Variants in PPP1R9A observed in about 807,000 individuals in gnomAD.
PPP1R9A encodes the protein protein phosphatase 1 regulatory subunit 9A, also known as neurabin-1.
A neutral mutation model predicts 141.9 loss-of-function variants in PPP1R9A; 59 were observed. The observed-to-expected ratio is 0.42, with a 90% CI of 0.34 to 0.52. PPP1R9A has a LOEUF of 0.52. Ranked by LOEUF, PPP1R9A falls within the 20% of genes least tolerant of loss-of-function variation. The pLI, the probability that PPP1R9A is intolerant of heterozygous loss-of-function variation, is 0.10. For missense variants in PPP1R9A, 1,444 were observed against 1,611.9 expected, an observed-to-expected ratio of 0.90 and a Z score of 1.78; for synonymous variants, 500 against 569.7, an observed-to-expected ratio of 0.88 and a Z score of 1.74.
chr7:95,119,026 A>C (rs1265729846), intron 3 of PPP1R9A, among the ~76,000 whole-genome samples: 1 of 151,886 alleles, frequency 6.6e-6, no homozygotes, highest in African/African-American at 2.4e-5. Flanking sequence ...AACAGAAAAA[A>C]TGCTTAAGAA....
chr7:95,172,851 T>G (rs1172083301), intron 5 of PPP1R9A, among the ~76,000 whole-genome samples: 2 of 152,016 alleles, frequency 1.3e-5, no homozygotes, highest in East Asian at 3.9e-4. Flanking sequence ...GGTATAAGAA[T>G]AGTAATATAG....
At chr7:95,197,810 G>A (rs772824653) in intron 5 of PPP1R9A, among the ~76,000 whole-genome samples, 7 of 152,070 alleles carry the variant, frequency 4.6e-5, no homozygotes, top group Admixed American at 1.3e-4. Flanking sequence ...CACCACGCCC[G>A]GCTAATTTTT....
At chr7:95,035,423 T>C (rs1808301665) in intron 2 of PPP1R9A, among the ~76,000 whole-genome samples, 3 of 152,188 alleles carry the variant, frequency 2.0e-5, no homozygotes, top group Non-Finnish European at 4.4e-5. Context: ...CTTATATTTA[T>C]ATATCTTTTC....
chr7:95,093,386 A>G (rs1013030782), intron 2 of PPP1R9A, among the ~76,000 whole-genome samples: 1 of 152,204 alleles, frequency 6.6e-6, no homozygotes, highest in African/African-American at 2.4e-5. Flanking sequence ...AAATACTTGT[A>G]AGCATTTTAA....
chr7:95,117,916 C>T (rs1821802479), intron 3 of PPP1R9A, among the ~76,000 whole-genome samples: 1 of 152,138 alleles, frequency 6.6e-6, no homozygotes, highest in Admixed American at 6.5e-5. Context: ...CATTGATCAT[C>T]TCTTAAACAA....
chr7:94,915,803 A>G (rs1220311534), intron 2 of PPP1R9A, among the ~76,000 whole-genome samples: 3 of 152,174 alleles, frequency 2.0e-5, no homozygotes, highest in Non-Finnish European at 4.4e-5. Flanking sequence ...CCATAGACTA[A>G]TGATTTCCTG....
intron 2 of PPP1R9A, among the ~76,000 whole-genome samples, chr7:94,933,953 T>G (rs1419685870): frequency 6.6e-6 from 1 of 152,192 alleles, no homozygotes; most frequent in Non-Finnish European, 1.5e-5. Flanking sequence ...AGACTGCCAT[T>G]GAATAACGTG....
intron 2 of PPP1R9A, among the ~76,000 whole-genome samples, chr7:94,971,104 C>T (rs970175272): frequency 5.3e-5 from 8 of 151,462 alleles, no homozygotes; most frequent in African/African-American, 1.9e-4. Flanking sequence ...GGGAAAGGGA[C>T]AAAAGAGAAA....
At chr7:95,063,845 A>C (rs1812595683) in intron 2 of PPP1R9A, among the ~76,000 whole-genome samples, 1 of 152,214 alleles carries the variant, frequency 6.6e-6, no homozygotes, top group African/African-American at 2.4e-5. Flanking sequence ...TATTTAACAT[A>C]AATTATAGTC....
intron 16 of PPP1R9A, among the ~76,000 whole-genome samples, chr7:95,278,027 G>A (rs1165451805): frequency 6.6e-6 from 1 of 152,036 alleles, no homozygotes; most frequent in Non-Finnish European, 1.5e-5. Context: ...GAAAGGAGAT[G>A]GCAGTCTTCT....
intron 8 of PPP1R9A, among the ~76,000 whole-genome samples, chr7:95,246,459 G>A (rs1300468873): frequency 6.6e-6 from 1 of 152,130 alleles, no homozygotes; most frequent in Non-Finnish European, 1.5e-5. Flanking sequence ...GGTACAACCT[G>A]ACCTAACAGG....
At chr7:95,134,607 G>A (rs1212299497) in intron 4 of PPP1R9A, among the ~76,000 whole-genome samples, 1 of 152,170 alleles carries the variant, frequency 6.6e-6, no homozygotes, top group Non-Finnish European at 1.5e-5. Flanking sequence ...AGCTAGTTTT[G>A]TATTTTTAAT....
In PPP1R9A at chr7:95,210,989, GC is replaced by G. The variant is rs372619956; in HGVS notation, c.1956+7262del. 5.2e-4 allele frequency among the ~76,000 whole-genome samples: 79 copies of G among 152,130 alleles called. 1 individual carries two copies. In the East Asian group the frequency reaches 0.014, roughly 28 times the overall value. Reference sequence around the variant, plus strand: ...AGGGAGGAGAATATCACACACTGGGGCCCGTCAGAGGGTGGAGGGCTAGGGG... The same window carrying G: ...AGGGAGGAGAATATCACACACTGGGGCCGTCAGAGGGTGGAGGGCTAGGGG... On this transcript the variant is annotated intron_variant, in intron 7 of 19. Coordinates refer to ENST00000433360, the MANE Select transcript of PPP1R9A (RefSeq NM_001166160.2).
chr7:94,989,061 G>T (rs1376878605), intron 2 of PPP1R9A, among the ~76,000 whole-genome samples: 2 of 151,980 alleles, frequency 1.3e-5, no homozygotes, highest in African/African-American at 4.8e-5. Flanking sequence ...ATTTTAGCTT[G>T]CATCAGAATT....
At chr7:95,286,615 AG>A (rs545588639) in intron 18 of PPP1R9A, among the ~76,000 whole-genome samples, 204 of 152,256 alleles carry the variant, frequency 1.3e-3, no homozygotes, top group African/African-American at 4.5e-3. Context: ...GAAATCACAT[AG>A]AAGTTTCCTA....
At chr7:95,134,129 A>C (rs529623485) in intron 4 of PPP1R9A, among the ~76,000 whole-genome samples, 4 of 152,192 alleles carry the variant, frequency 2.6e-5, no homozygotes, top group African/African-American at 9.7e-5. Flanking sequence ...TTGGAATACT[A>C]TGCAGCCATA....
chr7:94,951,273 A>T (rs888558663), intron 2 of PPP1R9A, among the ~76,000 whole-genome samples: 1 of 151,922 alleles, frequency 6.6e-6, no homozygotes, highest in Non-Finnish European at 1.5e-5. Context: ...AATATTGACC[A>T]AAGGTGAGGG....
intron 14 of PPP1R9A, among the ~76,000 whole-genome samples, chr7:95,271,879 C>G (rs1447521812): frequency 6.6e-6 from 1 of 152,108 alleles, no homozygotes; most frequent in East Asian, 1.9e-4. Flanking sequence ...TCATACCAAT[C>G]TAATGTTGGA....
chr7:95,015,911 G>T (rs1805037670), intron 2 of PPP1R9A, among the ~76,000 whole-genome samples: 1 of 151,992 alleles, frequency 6.6e-6, no homozygotes, highest in Non-Finnish European at 1.5e-5. Context: ...AATTAGGGCA[G>T]GCATGGTGGT....
Sources: allele counts gnomAD v4.1 joint callset (sites outside exome capture counted in the v4.1 genomes callset), GRCh38; gene constraint gnomAD v4.1.1; transcripts MANE v1.5; gene names NCBI Gene and HGNC (gene_info 2026-07-23, HGNC 2026-07-21).